The following U2AF2 variants were observed in gnomAD, a reference collection of about 807,000 sequenced individuals.
The protein encoded by U2AF2 is splicing factor U2AF 65 kDa subunit.
U2AF2 carries 6 observed loss-of-function variants against 52.6 expected under a neutral mutation model. The observed-to-expected ratio is 0.11, with a 90% confidence interval of 0.06 to 0.23. U2AF2 has a LOEUF of 0.23. Ranked by LOEUF, U2AF2 falls within the 10% of genes least tolerant of loss-of-function variation. The pLI is 1.00. For missense variants in U2AF2, 222 were observed against 677.1 expected (o/e 0.33, Z 7.46); for synonymous variants, 284 against 258.2 (o/e 1.10, Z -0.96).
chr19:55,667,323 C>G (rs1230281848), intron 7 of U2AF2, among the ~76,000 whole-genome samples: 4 of 152,156 alleles, frequency 2.6e-5, no homozygotes. Flanking sequence ...TGGGGCCACT[C>G]ACACTTGGTG....
At chr19:55,658,302 C>T (rs1476031814) in intron 1 of U2AF2, among the ~76,000 whole-genome samples, 2 of 149,068 alleles carry the variant, frequency 1.3e-5, no homozygotes, top group Non-Finnish European at 3.0e-5. Flanking sequence ...CCCCCCCGCC[C>T]CCCCATGCTC....
Position 55,660,160 on chromosome 19 carries a change from T to TACCA in U2AF2, c.186-17_186-16insACCA. The TACCA allele has an allele frequency of 1.3e-6, 2 of 1,595,014 alleles. No homozygotes were observed. Among genetic ancestry groups the TACCA allele is most frequent in the Non-Finnish European group, 8.6e-7 (1 of 1,167,830 alleles). On this transcript the variant is annotated splice_polypyrimidine_tract_variant and intron_variant, in intron 2 of 11. Transcript: ENST00000308924. ...CCCCAGTCACCCCTCCCCATACCTT[T>TACCA]CCCTCCCACCCCCCAGCAAACCTTT...
intron 11 of U2AF2, chr19:55,670,667 C>G (rs937414008): frequency 8.2e-6 from 2 of 244,766 alleles, no homozygotes; most frequent in Non-Finnish European, 1.6e-5. Flanking sequence ...GGTGAGTGAG[C>G]GAGGTGGTGG....
intron 1 of U2AF2, among the ~76,000 whole-genome samples, chr19:55,657,988 G>C (rs1983903630): frequency 6.6e-6 from 1 of 152,176 alleles, no homozygotes; most frequent in African/African-American, 2.4e-5. Context: ...ATTTGTTGCT[G>C]TTTTTTTCCC....
chr19:55,670,452 G>GTGCACCCTGCTGTCCC (rs1984830119), intron 11 of U2AF2, among the ~76,000 whole-genome samples: 1 of 6,348 alleles, frequency 1.6e-4, no homozygotes, highest in Non-Finnish European at 4.4e-4. Context: ...CTGCTGTCCC[G>GTGCACCCTGCTGTCCC]TGCACCCTGC....
At chr19:55,655,850 C>A (rs552364056) in intron 1 of U2AF2, among the ~76,000 whole-genome samples, 1 of 152,384 alleles carries the variant, frequency 6.6e-6, no homozygotes, top group East Asian at 1.9e-4. Context: ...CGCACGCACA[C>A]ATCCTGCATA....
intron 1 of U2AF2, among the ~76,000 whole-genome samples, chr19:55,657,823 C>T (rs533757225): frequency 2.8e-4 from 42 of 152,322 alleles, no homozygotes; most frequent in Middle Eastern, 3.4e-3. Context: ...GTCACCATTT[C>T]CTAGCTGTTT....
intron 7 of U2AF2, among the ~76,000 whole-genome samples, chr19:55,665,506 C>T (rs1363853687): frequency 7.6e-6 from 1 of 131,782 alleles, no homozygotes; most frequent in Non-Finnish European, 1.6e-5. Flanking sequence ...TTGGCGCTGT[C>T]CTAAGTGCCC....
chr19:55,655,969 C>G (rs568388115), intron 1 of U2AF2, among the ~76,000 whole-genome samples: 3 of 152,248 alleles, frequency 2.0e-5, no homozygotes, highest in South Asian at 4.1e-4. Flanking sequence ...AGTCTCAGAT[C>G]TCAATATAGA....
intron 7 of U2AF2, among the ~76,000 whole-genome samples, chr19:55,666,194 A>C (rs1984540358): frequency 6.6e-6 from 1 of 152,222 alleles, no homozygotes; most frequent in South Asian, 2.1e-4. Flanking sequence ...CCCTGCACCA[A>C]GATGGCCTGG....
chr19:55,672,603 C>T (rs998983315), intron 11 of U2AF2, among the ~76,000 whole-genome samples: 4 of 152,178 alleles, frequency 2.6e-5, no homozygotes, highest in African/African-American at 7.2e-5. Flanking sequence ...CTCCAGTTGA[C>T]AACCACTGCT....
At position 55,659,229 on chromosome 19, in the gene U2AF2, G is replaced by T; in HGVS notation, c.69G>T (p.Arg23=). The T allele has an allele frequency of 6.3e-7, 1 of 1,595,786 alleles. No individual in the cohort carries two copies. Among genetic ancestry groups the T allele is most frequent in the Non-Finnish European group, 8.5e-7 (1 of 1,169,772 alleles). Residue 23 remains arginine (R), a synonymous_variant, in exon 2 of 12, where the codon CGG becomes CGT. Coordinates refer to ENST00000308924, the MANE Select transcript of U2AF2 (RefSeq NM_007279.3). ...GCCCAGAGCGGGACAAGGAGAACCG[G>T]CATCGGAAGCGCAGCCACAGCCGCT... ...ENKQERDKEN[R]HRKRSHSRSR...
intron 6 of U2AF2, 40 bp from the exon 7 acceptor site, chr19:55,663,566 C>G (rs768205878): frequency 1.9e-6 from 3 of 1,605,286 alleles, no homozygotes; most frequent in Admixed American, 1.7e-5. Flanking sequence ...GTACTAGTCC[C>G]TGACCCCCAT....
intron 11 of U2AF2, 108 bp downstream of exon 11, chr19:55,669,800 C>T (rs114185454): frequency 3.5e-6 from 5 of 1,427,010 alleles, no homozygotes; most frequent in East Asian, 2.5e-5. Flanking sequence ...CTCTTCTCCG[C>T]GCGCTCTTTC....
chr19:55,673,672 C>G (rs1985078937), intron 11 of U2AF2, among the ~76,000 whole-genome samples: 1 of 152,230 alleles, frequency 6.6e-6, no homozygotes, highest in South Asian at 2.1e-4. Context: ...CGCCTGCGCT[C>G]TATGGCTCTG....
chr19:55,672,204 C>T (rs538592768), intron 11 of U2AF2: 29 of 151,524 alleles, frequency 1.9e-4, no homozygotes, highest in African/African-American at 4.8e-4. Context: ...TTCAAATATA[C>T]TTAAAAGTAG....
intron 3 of U2AF2, 104 bp from the exon 4 acceptor site, chr19:55,660,412 A>C (rs507498): frequency 0.97 from 1,082,316 of 1,111,184 alleles, 527,233 homozygotes; most frequent in East Asian, 1. Context: ...TGGAGCTTAC[A>C]TGGTTGCGGG....
rs556057238 is a variant in U2AF2 at position 55,668,102 on chromosome 19, G to T, written c.743-405G>T. ...CGGCCGGGACTGAGCTTTAATGGGA[G>T]CCTTGCCTGGGTGGCTGTCAGAGAA... On this transcript the variant is annotated intron_variant, in intron 7 of 11. Coordinates refer to ENST00000308924, the MANE Select transcript of U2AF2 (RefSeq NM_007279.3). This position sits in a 1 kb window ranked among gnomAD's most constrained non-coding sequence, Gnocchi z 5.5. 4.6e-5 allele frequency among the ~76,000 whole-genome samples: 7 copies of T among 152,284 alleles called. No individual in the cohort carries two copies. Among genetic ancestry groups the T allele is most frequent in the Non-Finnish European group, 8.8e-5 (6 of 68,016 alleles).
rs772662916 is a variant in U2AF2, at chr19:55,660,663, G to A, written c.334+44G>A. ...TGCTCCCAGAGCGGGAGGGTACAGG[G>A]GTTGGGATTCTCCGTCAGTCATTCC... On this transcript the variant is annotated intron_variant, in intron 4 of 11. Coordinates refer to ENST00000308924, the MANE Select transcript of U2AF2 (RefSeq NM_007279.3). The A allele has an allele frequency of 3.8e-6, 6 of 1,561,180 alleles. No homozygotes were observed. In the Admixed American group the frequency reaches 1.1e-4, roughly 28 times the overall value.
Sources: allele counts gnomAD v4.1 joint callset (sites outside exome capture counted in the v4.1 genomes callset), GRCh38; gene constraint gnomAD v4.1.1; non-coding constraint Gnocchi (gnomAD v3.1); transcripts MANE v1.5; gene names NCBI Gene and HGNC (gene_info 2026-07-23, HGNC 2026-07-21).